CYFIP1: variants seen among roughly 807,000 people sequenced by gnomAD.
The protein encoded by CYFIP1 is cytoplasmic FMR1 interacting protein 1, also known as cytoplasmic FMR1-interacting protein 1.
CYFIP1 carries 58 observed loss-of-function variants against 163.5 expected under a neutral mutation model. The observed-to-expected ratio is 0.35, with a 90% CI of 0.29 to 0.44. The LOEUF is 0.44. Ranked by LOEUF, CYFIP1 falls within the 20% of genes least tolerant of loss-of-function variation. The pLI, the probability that CYFIP1 is intolerant of heterozygous loss-of-function variation, is 1.00. For synonymous variants in CYFIP1, 663 were observed against 660.7 expected, an observed-to-expected ratio of 1.00 and a Z score of -0.05; for missense variants, 1,338 against 1,653.8, an observed-to-expected ratio of 0.81 and a Z score of 3.31.
intron 21 of CYFIP1, chr15:22,905,082 TC>T (rs1463637030): frequency 6.6e-6 from 1 of 152,150 alleles, no homozygotes; most frequent in Non-Finnish European, 1.5e-5. Flanking sequence ...GGATTTTCCT[TC>T]CCTGCCTGCC....
At position 22,927,917 on chromosome 15, in the gene CYFIP1, C is replaced by T; in HGVS notation, c.1222G>A (p.Val408Met). ...LQLLSQWSAH[V>M]MEVYSWKLVH... ...GGGACGGGGCCTACCACTTCCATCA[C>T]GTGCGCGCTCCACTGCGACAACAGC... The change falls in exon 12 of 31, where the codon GTG becomes ATG. Residue 408 changes from valine (V) to methionine (M), a missense_variant. Val to Met is a conservative substitution (Grantham distance 21, BLOSUM62 1). Transcript: ENST00000617928. 3 of 1,605,794 alleles carry T rather than the reference C, an allele frequency of 1.9e-6. No individual in the cohort carries two copies. Among genetic ancestry groups the T allele is most frequent in the Admixed American group, 1.7e-5 (1 of 57,968 alleles).
chr15:22,944,625 A>G lies in CYFIP1; in HGVS notation c.320T>C (p.Ile107Thr). ...CAGAACCTCCACGGTTTTCTCGTAG[A>G]TTTCCACTCTGTTAGGCTGCTCGTT... Reference protein sequence around the residue: ...KCNEQPNRVEIYEKTVEVLEP... With the variant: ...KCNEQPNRVETYEKTVEVLEP... The change falls in exon 5 of 31, where the codon ATC (isoleucine) becomes ACC (threonine). Residue 107 changes from isoleucine (I) to threonine (T), a missense_variant. Transcript: ENST00000617928. The G allele has an allele frequency of 6.2e-7, 1 of 1,613,942 alleles. No individual in the cohort carries two copies. Among genetic ancestry groups the G allele is most frequent in the Non-Finnish European group, 8.5e-7 (1 of 1,179,846 alleles).
chr15:22,870,554 C>G (rs1228219175), intron 30 of CYFIP1, among the ~76,000 whole-genome samples: 1 of 151,946 alleles, frequency 6.6e-6, no homozygotes, highest in Non-Finnish European at 1.5e-5. Flanking sequence ...TCAAGCAATC[C>G]TCCTCTGCCT....
chr15:22,973,654 T>C lies in CYFIP1; in HGVS notation c.-7+6633A>G, dbSNP rs116098321. Among the ~76,000 whole-genome samples the C allele has an allele frequency of 3.6e-3, 546 of 152,236 alleles. 5 individuals carry two copies. Among genetic ancestry groups the C allele is most frequent in the African/African-American group, 0.012 (516 of 41,530 alleles). On this transcript the variant is annotated intron_variant, in intron 1 of 30. Coordinates refer to ENST00000617928, the MANE Select transcript of CYFIP1 (RefSeq NM_014608.6). ...AGTACTTGTCTTTCTGTGCCTGGCT[T>C]ATTTTGAGGAAATAAAGCCTCAAAA...
In CYFIP1 at chr15:22,928,045, C is replaced by G. The variant is rs766764753; in HGVS notation, c.1111-17G>C. 2.7e-6 allele frequency: 4 copies of G among 1,501,154 alleles called. No homozygotes were observed. Among genetic ancestry groups the G allele is most frequent in the Middle Eastern group, 2.3e-4 (1 of 4,422 alleles). The allele number at this position is 1,501,154 out of a possible 1,614,324, so 93.0% of individuals were successfully genotyped here. A position where few individuals can be genotyped will look rare whatever the true frequency, so the allele number is the denominator to read the frequency against. ...CGTGACCACCTGCACAAGGCGGGCA[C>G]GGCCCCGTGAGAAACCAGCGCCCCC... On this transcript the variant is annotated splice_polypyrimidine_tract_variant and intron_variant, in intron 11 of 30. Coordinates refer to ENST00000617928, the MANE Select transcript of CYFIP1 (RefSeq NM_014608.6).
At chr15:22,923,942 CAAAAAA>C (rs916058496) in intron 13 of CYFIP1, among the ~76,000 whole-genome samples, 19 of 61,798 alleles carry the variant, frequency 3.1e-4, no homozygotes, top group African/African-American at 1.2e-3. Flanking sequence ...ACCTTGTCTC[CAAAAAA>C]AAAAAAAAAA....
At chr15:22,975,535 C>A (rs1429126159) in intron 1 of CYFIP1, among the ~76,000 whole-genome samples, 1 of 150,800 alleles carries the variant, frequency 6.6e-6, no homozygotes, top group Non-Finnish European at 1.5e-5. Context: ...CAGAGGCGGG[C>A]AGATCACCTG....
rs565892890 is a variant in CYFIP1 at position 22,897,143 on chromosome 15, G to A, written c.2589-4166C>T. Reference sequence around the variant, plus strand: ...CAGGAGAATCACTTGAACCCAGGAGGCAGAAGTTGCAGTGAGCCGAGATCA... The same window carrying A: ...CAGGAGAATCACTTGAACCCAGGAGACAGAAGTTGCAGTGAGCCGAGATCA... On this transcript the variant is annotated intron_variant, in intron 22 of 30. Transcript: ENST00000617928. Among the ~76,000 whole-genome samples, 3 of 151,316 alleles carry A rather than the reference G, an allele frequency of 2.0e-5. No individual in the cohort carries two copies. The East Asian group carries it at 5.8e-4, about 29-fold the overall frequency.
chr15:22,872,316 A>G (rs1466930739), intron 30 of CYFIP1, among the ~76,000 whole-genome samples: 1 of 151,772 alleles, frequency 6.6e-6, no homozygotes, highest in Admixed American at 6.6e-5. Context: ...AAAAAGAAAG[A>G]AAAAAGAAAA....
rs1377675373 is a variant in CYFIP1 at position 22,875,302 on chromosome 15, G to A, written c.3043-31C>T. 2.5e-6 allele frequency: 4 copies of A among 1,600,724 alleles called. No individual in the cohort carries two copies. In the South Asian group the frequency reaches 4.4e-5, roughly 18 times the overall value. Reference sequence around the variant, plus strand: ...GCAGAGAAAGAGAGGGTCAAGCTAGGAAGGGTATCTCGCCAGAGAGCAATC... The same window carrying A: ...GCAGAGAAAGAGAGGGTCAAGCTAGAAAGGGTATCTCGCCAGAGAGCAATC... On this transcript the variant is annotated intron_variant, in intron 26 of 30. Transcript: ENST00000617928.
chr15:22,938,672 G>A, intron 8 of CYFIP1, among the ~76,000 whole-genome samples: 1 of 152,082 alleles, frequency 6.6e-6, no homozygotes, highest in East Asian at 1.9e-4. Flanking sequence ...GGAGGCTGAG[G>A]CAGGAGGGTC....
At chr15:22,883,754 T>C (rs2059847782) in intron 23 of CYFIP1, among the ~76,000 whole-genome samples, 1 of 148,230 alleles carries the variant, frequency 6.7e-6, no homozygotes, top group African/African-American at 2.5e-5. Flanking sequence ...GATGTGGAGC[T>C]TGCAGTGAGC....
At chr15:22,883,256 G>A (rs1001533708) in intron 23 of CYFIP1, among the ~76,000 whole-genome samples, 1 of 152,148 alleles carries the variant, frequency 6.6e-6, no homozygotes, top group South Asian at 2.1e-4. Context: ...TTGAATAGCC[G>A]ACTCGCTAGA....
chr15:22,932,280 C>A lies in CYFIP1; in HGVS notation c.1053G>T (p.Gln351His), dbSNP rs374735007. Residue 351 changes from glutamine to histidine, a missense_variant, in exon 11 of 31, where the codon CAG (glutamine) becomes CAT (histidine). Gln to His is a conservative substitution (Grantham distance 24). Around this residue, in one of 4 missense-constraint regions of CYFIP1, gnomAD observed 824 missense variants for 995.7 expected, o/e 0.83. Transcript: ENST00000617928. ...TGAAGCGCATGTGGTCCTCGCGGAT[C>A]TGGATCATCTGCTCGCAGATGTTGT... ...PQYNICEQMI[Q>H]IREDHMRFIS... The A allele has an allele frequency of 4.3e-6, 7 of 1,613,126 alleles. No individual in the cohort carries two copies. The highest frequency in any genetic ancestry group is 5.9e-6 in the Non-Finnish European group (7 of 1,179,688).
chr15:22,952,654 C>A (rs1362572455), intron 1 of CYFIP1, among the ~76,000 whole-genome samples: 1 of 1,894 alleles, frequency 5.3e-4, no homozygotes. Context: ...GGTGAGACTC[C>A]ATCTCAAAAA....
intron 13 of CYFIP1, among the ~76,000 whole-genome samples, chr15:22,923,589 G>A (rs1318342869): frequency 6.6e-6 from 1 of 152,050 alleles, no homozygotes; most frequent in Non-Finnish European, 1.5e-5. Flanking sequence ...TCCAGTAATT[G>A]CATTTCTAGC....
intron 23 of CYFIP1, among the ~76,000 whole-genome samples, chr15:22,891,688 A>G (rs2060088188): frequency 6.6e-6 from 1 of 152,172 alleles, no homozygotes; most frequent in African/African-American, 2.4e-5. Context: ...CAATGCCCTG[A>G]TTTGGGTGTT....
intron 25 of CYFIP1, among the ~76,000 whole-genome samples, chr15:22,880,639 G>A (rs892808732): frequency 6.6e-6 from 1 of 152,176 alleles, no homozygotes; most frequent in Admixed American, 6.5e-5. Context: ...GACAGAAACC[G>A]GCAGCTGACC....
At position 22,947,065 on chromosome 15, in the gene CYFIP1, T is replaced by C; in HGVS notation, c.145A>G (p.Arg49Gly). ...QPNFNTNFEDRNAFVTGIARY... is the reference protein window; with the variant it reads ...QPNFNTNFEDGNAFVTGIARY... ...GCGATGCCAGTAACAAATGCATTTC[T>C]GTCTTCAAAGTTAGTGTTGAAATTT... Residue 49 changes from arginine to glycine, a missense_variant, in exon 3 of 31, where the codon AGA becomes GGA. By Grantham distance (125) the Arg-to-Gly change is moderately radical. Transcript: ENST00000617928. The C allele has an allele frequency of 6.2e-7, 1 of 1,614,180 alleles. No individual in the cohort carries two copies. Among genetic ancestry groups the C allele is most frequent in the Non-Finnish European group, 8.5e-7 (1 of 1,180,018 alleles).
Sources: gnomAD v4.1 joint callset for allele counts (sites outside exome capture counted in the v4.1 genomes callset) on GRCh38, gnomAD v4.1.1 for gene constraint, gnomAD v4.1.1 regional missense constraint, MANE v1.5 for transcripts, NCBI Gene and HGNC (gene_info 2026-07-23, HGNC 2026-07-21) for gene names.